Variants in FTO observed in about 807,000 individuals in gnomAD.
FTO encodes alpha-ketoglutarate-dependent dioxygenase FTO.
FTO carries 47 observed loss-of-function variants against 63.9 expected under a neutral mutation model. The observed-to-expected ratio is 0.74, with a 90% confidence interval of 0.58 to 0.94. FTO has a LOEUF of 0.94. Ranked by LOEUF, FTO falls within the 40% of genes least tolerant of loss-of-function variation. The probability of loss-of-function intolerance (pLI) is 0.00; values close to 1 mark genes in which losing one functional copy is unlikely to be tolerated. For synonymous variants in FTO, 207 were observed against 224.4 expected, an observed-to-expected ratio of 0.92 and a Z score of 0.69; for missense variants, 562 against 618.1, an observed-to-expected ratio of 0.91 and a Z score of 0.96.
At chr16:53,800,316 A>G (rs958035758) in intron 1 of FTO, among the ~76,000 whole-genome samples, 12 of 152,164 alleles carry the variant, frequency 7.9e-5, no homozygotes, top group African/African-American at 2.9e-4. Flanking sequence ...TTCTAGATGT[A>G]TATCTGTTAT....
chr16:53,911,531 T>G (rs1285249692), intron 7 of FTO: 1 of 701,820 alleles, frequency 1.4e-6, no homozygotes, highest in Non-Finnish European at 2.6e-6. Flanking sequence ...AATCTATAGA[T>G]GCATTTGTGT....
chr16:53,944,419 C>T (rs577776851), intron 8 of FTO, among the ~76,000 whole-genome samples: 1 of 152,304 alleles, frequency 6.6e-6, no homozygotes, highest in Admixed American at 6.5e-5. Flanking sequence ...TGTCTCAAAG[C>T]ATGAGTGAGA....
chr16:54,059,829 C>CT (rs1434927975), intron 8 of FTO, among the ~76,000 whole-genome samples: 5 of 152,194 alleles, frequency 3.3e-5, no homozygotes, highest in African/African-American at 1.2e-4. Context: ...AAGTTAATTA[C>CT]TAGTACTAAT....
chr16:53,903,487 G>A (rs189286961), intron 7 of FTO, among the ~76,000 whole-genome samples: 17 of 152,226 alleles, frequency 1.1e-4, no homozygotes, highest in Admixed American at 5.2e-4. Context: ...TCAAACTCCT[G>A]ACCTCAAGTG....
At chr16:53,860,686 G>C (rs1474952360) in intron 4 of FTO, among the ~76,000 whole-genome samples, 1 of 152,140 alleles carries the variant, frequency 6.6e-6, no homozygotes, top group Non-Finnish European at 1.5e-5. Context: ...AGCACTGAGA[G>C]GATGGTGCTA....
chr16:53,948,879 T>G (rs7202360), intron 8 of FTO, among the ~76,000 whole-genome samples: 95,508 of 152,086 alleles, frequency 0.63, 30,413 homozygotes, highest in Middle Eastern at 0.73. Context: ...GGGAGACCAG[T>G]ACACAATCTG....
At chr16:53,872,486 G>A (rs2080528953) in intron 4 of FTO, among the ~76,000 whole-genome samples, 1 of 152,154 alleles carries the variant, frequency 6.6e-6, no homozygotes, top group South Asian at 2.1e-4. Flanking sequence ...CTATTCTGTG[G>A]CATTGAAACT....
chr16:54,101,838 C>T (rs931592844), intron 8 of FTO, among the ~76,000 whole-genome samples: 1 of 152,106 alleles, frequency 6.6e-6, no homozygotes, highest in Non-Finnish European at 1.5e-5. Context: ...TATTTTTTTA[C>T]TTTTAATAAT....
At chr16:54,073,713 GT>G (rs2085923486) in intron 8 of FTO, among the ~76,000 whole-genome samples, 1 of 151,764 alleles carries the variant, frequency 6.6e-6, no homozygotes. Context: ...CTCCCAAAGT[GT>G]TGGGATTACA....
intron 7 of FTO, 63 bp from the exon 8 acceptor site, chr16:53,933,922 T>C (rs1324330494): frequency 1.3e-6 from 2 of 1,527,774 alleles, no homozygotes; most frequent in Non-Finnish European, 1.8e-6. Context: ...TATTTGCTTA[T>C]GGGCTTTTTT....
intron 1 of FTO, among the ~76,000 whole-genome samples, chr16:53,802,653 T>C (rs146766725): frequency 6.6e-4 from 100 of 152,338 alleles, no homozygotes; most frequent in South Asian, 1.2e-3. Context: ...ATCTCTCTCC[T>C]TTCCTTTGGT....
chr16:53,727,409 AT>A (rs1317335660), intron 1 of FTO, among the ~76,000 whole-genome samples: 4 of 152,178 alleles, frequency 2.6e-5, no homozygotes. Flanking sequence ...GAAAGGGATG[AT>A]TTTGGATGTA....
chr16:53,736,798 G>A (rs375982979), intron 1 of FTO, among the ~76,000 whole-genome samples: 69 of 152,254 alleles, frequency 4.5e-4, no homozygotes, highest in East Asian at 3.7e-3. Flanking sequence ...ACTATCTGAC[G>A]TAACCAGCGT....
intron 4 of FTO, among the ~76,000 whole-genome samples, chr16:53,857,266 CTGT>C (rs1235693656): frequency 6.6e-6 from 1 of 152,094 alleles, no homozygotes; most frequent in Non-Finnish European, 1.5e-5. Flanking sequence ...GCCCTAGTGT[CTGT>C]TGTTCCTTTC....
At chr16:54,018,036 A>G (rs1159407953) in intron 8 of FTO, among the ~76,000 whole-genome samples, 1 of 151,710 alleles carries the variant, frequency 6.6e-6, no homozygotes, top group African/African-American at 2.4e-5. Context: ...ACGTACACAC[A>G]TGTTGACTTT....
At chr16:53,720,578 A>C (rs1459849347) in intron 1 of FTO, among the ~76,000 whole-genome samples, 1 of 149,260 alleles carries the variant, frequency 6.7e-6, no homozygotes, top group Non-Finnish European at 1.5e-5. Flanking sequence ...TCAAACATTT[A>C]TTATTTCTTT....
chr16:53,970,937 G>A (rs2083303291), intron 8 of FTO, among the ~76,000 whole-genome samples: 2 of 152,156 alleles, frequency 1.3e-5, no homozygotes, highest in South Asian at 4.1e-4. Context: ...TAGACAGTGT[G>A]GAAACTTTTC....
chr16:53,991,129 C>T (rs2083800290), intron 8 of FTO: 2 of 152,166 alleles, frequency 1.3e-5, no homozygotes, highest in Admixed American at 1.3e-4. Context: ...TCATGACTCA[C>T]TGCCATAGGA....
chr16:53,761,994 G>A (rs1257415299), intron 1 of FTO, among the ~76,000 whole-genome samples: 2 of 152,146 alleles, frequency 1.3e-5, no homozygotes, highest in African/African-American at 2.4e-5. Context: ...GGGTAATACT[G>A]ATAAGTTAAA....
Sources: allele counts gnomAD v4.1 joint callset (sites outside exome capture counted in the v4.1 genomes callset), GRCh38; gene constraint gnomAD v4.1.1; transcripts MANE v1.5; gene names NCBI Gene and HGNC (gene_info 2026-07-23, HGNC 2026-07-21).